PLCB1: variants seen among roughly 807,000 people sequenced by gnomAD.
PLCB1 encodes phospholipase C beta 1, also known as 1-phosphatidylinositol 4,5-bisphosphate phosphodiesterase beta-1.
A neutral mutation model predicts 161.8 loss-of-function variants in PLCB1; 46 were observed. The ratio of observed to expected loss-of-function variants is 0.28; its 90% confidence interval spans 0.22 to 0.36. The LOEUF (loss-of-function observed/expected upper bound fraction) is 0.36. Among genes scored for constraint, PLCB1 ranks in the 10% least tolerant of loss-of-function variants. The probability of loss-of-function intolerance (pLI) is 1.00; values close to 1 mark genes in which losing one functional copy is unlikely to be tolerated. For missense variants in PLCB1, 1,016 were observed against 1,472.5 expected, an observed-to-expected ratio of 0.69 and a Z score of 5.07; for synonymous variants, 517 against 503.7, an observed-to-expected ratio of 1.03 and a Z score of -0.35.
At chr20:8,133,143 C>T (rs1323149055) in intron 1 of PLCB1, among the ~76,000 whole-genome samples, 3 of 152,158 alleles carry the variant, frequency 2.0e-5, no homozygotes, top group African/African-American at 7.2e-5. Context: ...CCTGCGGACG[C>T]ACCCCCTATT....
chr20:8,346,879 A>G (rs926554970), intron 2 of PLCB1, among the ~76,000 whole-genome samples: 1 of 152,230 alleles, frequency 6.6e-6, no homozygotes, highest in Non-Finnish European at 1.5e-5. Context: ...GAGGAAATAA[A>G]CAGGAATCAT....
At chr20:8,341,157 C>T (rs1985794822) in intron 2 of PLCB1, among the ~76,000 whole-genome samples, 1 of 152,154 alleles carries the variant, frequency 6.6e-6, no homozygotes, top group Non-Finnish European at 1.5e-5. Flanking sequence ...ACTCACATTA[C>T]CCCTCTCTGG....
chr20:8,304,616 C>T (rs2662994), intron 2 of PLCB1, among the ~76,000 whole-genome samples: 2 of 151,286 alleles, frequency 1.3e-5, no homozygotes, highest in African/African-American at 4.9e-5. Flanking sequence ...TGAGCTTTTC[C>T]TATCTTCTTT....
intron 3 of PLCB1, among the ~76,000 whole-genome samples, chr20:8,549,910 G>C (rs966279267): frequency 6.6e-6 from 1 of 152,120 alleles, no homozygotes; most frequent in Non-Finnish European, 1.5e-5. Flanking sequence ...CCCTACCTTT[G>C]GCACTCATTC....
intron 2 of PLCB1, among the ~76,000 whole-genome samples, chr20:8,362,186 A>G (rs990924544): frequency 2.6e-5 from 4 of 152,182 alleles, no homozygotes; most frequent in Non-Finnish European, 5.9e-5. Flanking sequence ...AACACGTGCT[A>G]TAAAGAGCCA....
chr20:8,849,678 T>C (rs1292396371), intron 31 of PLCB1, among the ~76,000 whole-genome samples: 1 of 134,658 alleles, frequency 7.4e-6, no homozygotes, highest in Non-Finnish European at 1.6e-5. Flanking sequence ...TCCATCTCAA[T>C]AAAATAAAAT....
At chr20:8,877,504 C>CG (rs1237770825) in intron 31 of PLCB1, among the ~76,000 whole-genome samples, 1 of 152,150 alleles carries the variant, frequency 6.6e-6, no homozygotes, top group African/African-American at 2.4e-5. Flanking sequence ...TGTTTGTACT[C>CG]CCTTTAGACA....
chr20:8,198,025 A>G (rs2052046288), intron 2 of PLCB1, among the ~76,000 whole-genome samples: 1 of 151,866 alleles, frequency 6.6e-6, no homozygotes, highest in Non-Finnish European at 1.5e-5. Context: ...CTATATCTCT[A>G]TTTTGGTAAG....
At chr20:8,773,736 G>A (rs193037513) in intron 26 of PLCB1, among the ~76,000 whole-genome samples, 1 of 152,320 alleles carries the variant, frequency 6.6e-6, no homozygotes, top group East Asian at 1.9e-4. Context: ...CACTCTGGGA[G>A]GCTGAGATGG....
chr20:8,170,889 A>C (rs2051726574), intron 2 of PLCB1, among the ~76,000 whole-genome samples: 2 of 152,338 alleles, frequency 1.3e-5, no homozygotes, highest in South Asian at 4.1e-4. Flanking sequence ...CCATCTGATT[A>C]TGACAGTTTA....
intron 3 of PLCB1, among the ~76,000 whole-genome samples, chr20:8,564,867 G>A (rs1986269061): frequency 6.6e-6 from 1 of 152,154 alleles, no homozygotes; most frequent in Non-Finnish European, 1.5e-5. Flanking sequence ...GGACAAATAG[G>A]AACAATTTTA....
At chr20:8,389,825 A>G (rs1412668862) in intron 3 of PLCB1, among the ~76,000 whole-genome samples, 1 of 152,106 alleles carries the variant, frequency 6.6e-6, no homozygotes, top group Non-Finnish European at 1.5e-5. Flanking sequence ...CCACACCCCA[A>G]TCAATTAAAT....
intron 4 of PLCB1, among the ~76,000 whole-genome samples, chr20:8,634,026 T>C (rs1487019139): frequency 6.6e-6 from 1 of 152,198 alleles, no homozygotes; most frequent in African/African-American, 2.4e-5. Context: ...GGCATTCTTG[T>C]AGTTGTACGT....
intron 31 of PLCB1, among the ~76,000 whole-genome samples, chr20:8,850,606 A>T (rs6039303): frequency 0.32 from 48,559 of 152,064 alleles, 8,761 homozygotes; most frequent in East Asian, 0.63. Context: ...GGTTTAGGTC[A>T]TGAGGGCCTT....
chr20:8,761,976 A>AGGG (rs376412796), intron 25 of PLCB1, among the ~76,000 whole-genome samples: 43,759 of 145,540 alleles, frequency 0.3, 6,863 homozygotes, highest in East Asian at 0.46. Flanking sequence ...GGGGAGGCCA[A>AGGG]GGGGGGGGCG....
chr20:8,757,280 G>A (rs1981788313), intron 24 of PLCB1, 102 bp downstream of exon 24: 9 of 1,257,264 alleles, frequency 7.2e-6, no homozygotes, highest in African/African-American at 1.5e-5. Flanking sequence ...GCATCAAGTG[G>A]GGAAAGATGT....
At chr20:8,374,992 T>G (rs149092642) in intron 3 of PLCB1, among the ~76,000 whole-genome samples, 31 of 152,316 alleles carry the variant, frequency 2.0e-4, no homozygotes, top group African/African-American at 6.7e-4. Context: ...TTACAGGAAA[T>G]GGAAAAGCTT....
intron 2 of PLCB1, among the ~76,000 whole-genome samples, chr20:8,245,561 A>G (rs1469666122): frequency 1.3e-5 from 2 of 151,896 alleles, no homozygotes; most frequent in Non-Finnish European, 2.9e-5. Flanking sequence ...TCTTTTGTGT[A>G]CTACAGTGAG....
chr20:8,138,380 G>A (rs557652692), intron 1 of PLCB1, among the ~76,000 whole-genome samples: 11 of 152,250 alleles, frequency 7.2e-5, no homozygotes, highest in East Asian at 3.9e-4. Flanking sequence ...AACAAGAATC[G>A]CCAGCAGAAA....
Sources: allele counts gnomAD v4.1 joint callset (sites outside exome capture counted in the v4.1 genomes callset), GRCh38; gene constraint gnomAD v4.1.1; transcripts MANE v1.5; gene names NCBI Gene and HGNC (gene_info 2026-07-23, HGNC 2026-07-21).